The following TANK variants were observed in gnomAD, a reference collection of about 807,000 sequenced individuals.
The protein encoded by TANK is TRAF family member-associated NF-kappa-B activator.
A neutral mutation model predicts 43.6 loss-of-function variants in TANK; 15 were observed. The observed-to-expected ratio is 0.34, with a 90% CI of 0.23 to 0.53. TANK has a LOEUF of 0.53. Ranked by LOEUF, TANK falls within the 20% of genes least tolerant of loss-of-function variation. The pLI is 0.94. For synonymous variants in TANK, 162 were observed against 178.2 expected, an observed-to-expected ratio of 0.91 and a Z score of 0.73; for missense variants, 417 against 498.6, an observed-to-expected ratio of 0.84 and a Z score of 1.56.
chr2:161,170,947 A>G (rs1284187578), intron 1 of TANK, among the ~76,000 whole-genome samples: 1 of 152,256 alleles, frequency 6.6e-6, no homozygotes, highest in Non-Finnish European at 1.5e-5. Context: ...ATTTTACACA[A>G]GATGTGGTAT....
In TANK at chr2:161,160,827, G is replaced by A. The variant is rs537143540; in HGVS notation, c.-50+341G>A. The A allele has an allele frequency of 1.3e-5, 7 of 533,886 alleles. No individual in the cohort carries two copies. The African/African-American group carries it at 1.3e-4, about 10-fold the overall frequency. The allele number at this position is 533,886 out of a possible 1,614,324, so 33.1% of individuals were successfully genotyped here. A position where few individuals can be genotyped will look rare whatever the true frequency, so the allele number is the denominator to read the frequency against. On this transcript the variant is annotated intron_variant, in intron 1 of 7. Transcript: ENST00000392749. ...GGAAGGGCCTGCGGTGTCGAGGTGA[G>A]CAGTGGACCCTCCAGGAACATTCCC...
intron 4 of TANK, among the ~76,000 whole-genome samples, chr2:161,222,330 A>C (rs775875815): frequency 1.3e-5 from 2 of 151,938 alleles, no homozygotes; most frequent in Non-Finnish European, 2.9e-5. Context: ...TTGGCTCACT[A>C]TAAGGAGGTC....
At chr2:161,190,553 C>T (rs1484275881) in intron 2 of TANK, among the ~76,000 whole-genome samples, 1 of 152,110 alleles carries the variant, frequency 6.6e-6, no homozygotes, top group Non-Finnish European at 1.5e-5. Context: ...GGAAACAACC[C>T]AAGTGTTCAT....
intron 1 of TANK, among the ~76,000 whole-genome samples, chr2:161,174,698 C>T (rs1267555758): frequency 6.6e-6 from 1 of 152,126 alleles, no homozygotes; most frequent in Non-Finnish European, 1.5e-5. Flanking sequence ...CCTTTTCTTT[C>T]ATTTCCACCT....
At chr2:161,194,003 A>G (rs1362555551) in intron 2 of TANK, among the ~76,000 whole-genome samples, 1 of 152,206 alleles carries the variant, frequency 6.6e-6, no homozygotes, top group Non-Finnish European at 1.5e-5. Flanking sequence ...ATAATATGGA[A>G]TTAAATATTT....
At chr2:161,229,705 T>G (rs1687812447) in intron 6 of TANK, among the ~76,000 whole-genome samples, 1 of 152,242 alleles carries the variant, frequency 6.6e-6, no homozygotes, top group African/African-American at 2.4e-5. Context: ...AACTGACATT[T>G]GTTAAGTGCC....
At chr2:161,164,698 C>G (rs1684596025) in intron 1 of TANK, among the ~76,000 whole-genome samples, 1 of 152,122 alleles carries the variant, frequency 6.6e-6, no homozygotes, top group Admixed American at 6.5e-5. Context: ...GTCACATTTT[C>G]CAATTCCTAA....
At chr2:161,227,000 A>G (rs913799951) in intron 6 of TANK, 2 of 28,738 alleles carry the variant, frequency 7.0e-5, no homozygotes, top group African/African-American at 1.3e-4. Flanking sequence ...TTTTCCTTGC[A>G]AAGCTAAGTA....
chr2:161,206,409 ATAAAGT>A (rs952223962), intron 4 of TANK, among the ~76,000 whole-genome samples: 2 of 152,162 alleles, frequency 1.3e-5, no homozygotes, highest in Non-Finnish European at 2.9e-5. Context: ...TTCCTTCTAA[ATAAAGT>A]AGGAGATTTT....
At chr2:161,178,954 A>T (rs1434471098) in intron 1 of TANK, among the ~76,000 whole-genome samples, 1 of 152,146 alleles carries the variant, frequency 6.6e-6, no homozygotes, top group Non-Finnish European at 1.5e-5. Flanking sequence ...GACTGAGGTT[A>T]TAAAACCAAA....
At chr2:161,189,846 A>G (rs1006638333) in intron 2 of TANK, among the ~76,000 whole-genome samples, 9 of 152,196 alleles carry the variant, frequency 5.9e-5, no homozygotes, top group African/African-American at 2.2e-4. Context: ...AAACAGATCA[A>G]AGACCAAATG....
chr2:161,156,334 T>C, upstream of TANK: 1 of 985,468 alleles, frequency 1.0e-6, no homozygotes, highest in Non-Finnish European at 1.2e-6. Flanking sequence ...CATGTTGTTC[T>C]GTGTCCTTAC....
intron 2 of TANK, among the ~76,000 whole-genome samples, chr2:161,185,486 T>G (rs1025165089): frequency 8.1e-5 from 12 of 147,746 alleles, no homozygotes; most frequent in East Asian, 7.9e-4. Flanking sequence ...TGGTTTTTTG[T>G]TTTTTTTTTC....
intron 2 of TANK, among the ~76,000 whole-genome samples, chr2:161,199,955 A>T (rs1171259014): frequency 2.0e-5 from 3 of 152,250 alleles, no homozygotes; most frequent in Admixed American, 6.5e-5. Context: ...TTACCTCTTT[A>T]GATGCTGGTA....
intron 1 of TANK, among the ~76,000 whole-genome samples, chr2:161,168,106 T>C (rs894750184): frequency 6.6e-6 from 1 of 152,160 alleles, no homozygotes; most frequent in African/African-American, 2.4e-5. Context: ...ACATAGTAGG[T>C]AGCTTCAAGA....
rs1687977243 is a variant in TANK, at chr2:161,232,683, A to G, written c.1101+1132A>G. The G allele has an allele frequency of 2.0e-6, 3 of 1,525,908 alleles. No individual in the cohort carries two copies. The African/African-American group carries it at 4.1e-5, about 21-fold the overall frequency. 94.5% of individuals were successfully genotyped at this position (1,525,908 alleles called of 1,614,324 possible). On this transcript the variant is annotated intron_variant, in intron 7 of 7. Coordinates refer to ENST00000392749, the MANE Select transcript of TANK (RefSeq NM_001199135.3). ...GGAGCTGTGAAGTGCATCAGTTCTA[A>G]TGCTTGTTACTTTTTTCTCTATTAT...
intron 7 of TANK, among the ~76,000 whole-genome samples, chr2:161,235,124 G>T (rs1688117509): frequency 6.6e-6 from 1 of 152,186 alleles, no homozygotes; most frequent in Admixed American, 6.5e-5. Context: ...GCATGACTGT[G>T]TGTGTCCCAA....
chr2:161,160,454 G>C lies in TANK; in HGVS notation c.-82G>C, dbSNP rs1684362647. The C allele has an allele frequency of 2.4e-6, 3 of 1,238,940 alleles. No individual in the cohort carries two copies. The highest frequency in any genetic ancestry group is 3.0e-6 in the Non-Finnish European group (3 of 991,242). The allele number at this position is 1,238,940 out of a possible 1,614,324, so 76.7% of individuals were successfully genotyped here. A position where few individuals can be genotyped will look rare whatever the true frequency, so the allele number is the denominator to read the frequency against. On this transcript the variant is annotated 5_prime_UTR_variant, in exon 1 of 8. Transcript: ENST00000392749. ...CTCGGCCAGGCGCCGGCGACCTGAG[G>C]GGAGAGGGAACGCAGCTGAAAGCGT...
chr2:161,228,905 G>A (rs766147433), intron 6 of TANK, among the ~76,000 whole-genome samples: 5 of 152,160 alleles, frequency 3.3e-5, no homozygotes, highest in Middle Eastern at 3.2e-3. Flanking sequence ...AGAACAATAG[G>A]CTATACCATA....
Sources: gnomAD v4.1 joint callset for allele counts (sites outside exome capture counted in the v4.1 genomes callset) on GRCh38, gnomAD v4.1.1 for gene constraint, MANE v1.5 for transcripts, NCBI Gene and HGNC (gene_info 2026-07-23, HGNC 2026-07-21) for gene names.